HSPA12A: variants seen among roughly 807,000 people sequenced by gnomAD.
The protein encoded by HSPA12A is heat shock protein family A (Hsp70) member 12A, also known as heat shock 70 kDa protein 12A.
In HSPA12A, 28 loss-of-function variants were observed where a neutral mutation model predicts 69.2. The ratio of observed to expected loss-of-function variants is 0.40; its 90% CI spans 0.30 to 0.55. The LOEUF (loss-of-function observed/expected upper bound fraction) is 0.55. Ranked by LOEUF, HSPA12A falls within the 20% of genes least tolerant of loss-of-function variation. The probability of loss-of-function intolerance (pLI) is 0.38; values close to 1 mark genes in which losing one functional copy is unlikely to be tolerated. For synonymous variants in HSPA12A, 345 were observed against 370.5 expected, an observed-to-expected ratio of 0.93 and a Z score of 0.79; for missense variants, 686 against 900.7, an observed-to-expected ratio of 0.76 and a Z score of 3.05.
rs975817428 is a variant in HSPA12A, at chr10:116,675,835, A to G, written c.1391-417T>C. Among the ~76,000 whole-genome samples, 15 of 152,208 alleles carry G rather than the reference A, an allele frequency of 9.9e-5. No individual in the cohort carries two copies. Among genetic ancestry groups the G allele is most frequent in the Admixed American group, 8.5e-4 (13 of 15,280 alleles). On this transcript the variant is annotated intron_variant, in intron 11 of 11. Coordinates refer to ENST00000369209, the MANE Select transcript of HSPA12A (RefSeq NM_025015.3). The surrounding 1 kb of genome is among the most constrained non-coding windows in gnomAD (Gnocchi z 5.2). ...GAGTCTGATTTGGTAGGCGGGGGAC[A>G]GGATACTGAAAGAGGTCCTGGTGAG... is the stretch of plus-strand genomic sequence containing the variant.
chr10:116,744,669 A>G (rs1665679), upstream of HSPA12A, among the ~76,000 whole-genome samples: 151,310 of 152,372 alleles, frequency 0.99, 75,145 homozygotes, highest in Middle Eastern at 1. Context: ...TGCTCATCAC[A>G]CTAATTACAA....
chr10:116,787,630 T>C (rs1645496192), intron 2 of HSPA12A, among the ~76,000 whole-genome samples: 1 of 152,104 alleles, frequency 6.6e-6, no homozygotes, highest in Admixed American at 6.5e-5. Flanking sequence ...TTAACAATTA[T>C]GGCCTTTGGG....
chr10:116,844,116 G>A (rs1845843758), intron 1 of HSPA12A, among the ~76,000 whole-genome samples: 1 of 152,178 alleles, frequency 6.6e-6, no homozygotes, highest in Non-Finnish European at 1.5e-5. Flanking sequence ...AGAGGCAGTG[G>A]AGCACAAGGG....
rs782352033 is a variant in HSPA12A, at chr10:116,679,721, T to C, written c.1068A>G (p.Glu356=). The C allele has an allele frequency of 6.2e-7, 1 of 1,614,188 alleles. No individual in the cohort carries two copies. Among genetic ancestry groups the C allele is most frequent in the Non-Finnish European group, 8.5e-7 (1 of 1,180,026 alleles). ...YGSLGVDYEF[E]KLLYKIFGED... is the part of the protein sequence containing the mutation. ...CTCCAAATATTTTATACAGAAGTTT[T>C]TCGAACTCATAATCTACTCCTAAAG... Residue 356 remains glutamate (E), a synonymous_variant, in exon 10 of 12, where the codon GAA becomes GAG. Transcript: ENST00000369209.
intron 1 of HSPA12A, among the ~76,000 whole-genome samples, chr10:116,736,908 T>C (rs1851335162): frequency 6.6e-6 from 1 of 152,216 alleles, no homozygotes; most frequent in South Asian, 2.1e-4. Flanking sequence ...ACAAATGTAC[T>C]GGATAATTCC....
intron 2 of HSPA12A, chr10:116,750,125 TG>T (rs1221476397): frequency 1.8e-6 from 1 of 559,156 alleles, no homozygotes; most frequent in East Asian, 3.0e-5. Flanking sequence ...TATGATAATG[TG>T]TGTACCTTAT....
chr10:116,839,486 C>G (rs770220691), intron 1 of HSPA12A, among the ~76,000 whole-genome samples: 2 of 151,918 alleles, frequency 1.3e-5, no homozygotes, highest in Non-Finnish European at 2.9e-5. Context: ...CAGCTCCATT[C>G]CTCCAGTAAT....
In HSPA12A at chr10:116,680,786, A is replaced by G. The variant is rs917822644; in HGVS notation, c.1027+366T>C. Among the ~76,000 whole-genome samples the G allele has an allele frequency of 1.2e-4, 18 of 152,334 alleles. No homozygotes were observed. In the South Asian group the frequency reaches 2.9e-3, roughly 25 times the overall value. ...AGGCGTGAGCCACCGCACTTGGCCA[A>G]TGGTTTGGCAATCTTGATCCAAGAC... On this transcript the variant is annotated intron_variant, in intron 9 of 11. Transcript: ENST00000369209.
intron 2 of HSPA12A, among the ~76,000 whole-genome samples, chr10:116,825,304 G>A (rs534902507): frequency 6.6e-6 from 1 of 152,042 alleles, no homozygotes; most frequent in Admixed American, 6.6e-5. Flanking sequence ...GAGCTCAGGA[G>A]TTCAAGACCA....
intron 2 of HSPA12A, among the ~76,000 whole-genome samples, chr10:116,760,128 T>C (rs1440603153): frequency 2.6e-5 from 4 of 152,234 alleles, no homozygotes; most frequent in Non-Finnish European, 5.9e-5. Flanking sequence ...ATTTTTGCTC[T>C]GAAGGATGAG....
chr10:116,701,497 A>C (rs768096755), intron 3 of HSPA12A, among the ~76,000 whole-genome samples: 53 of 152,266 alleles, frequency 3.5e-4, no homozygotes, highest in Non-Finnish European at 6.0e-4. Flanking sequence ...AATAGCAGAT[A>C]TACTGCTAGC....
chr10:116,771,361 C>G (rs539905112), intron 2 of HSPA12A, among the ~76,000 whole-genome samples: 1 of 152,194 alleles, frequency 6.6e-6, no homozygotes, highest in African/African-American at 2.4e-5. Flanking sequence ...TGACGAGATA[C>G]TGGGGCCAGA....
At chr10:116,677,679 G>A (rs1849279855) in intron 10 of HSPA12A, among the ~76,000 whole-genome samples, 1 of 152,218 alleles carries the variant, frequency 6.6e-6, no homozygotes, top group Non-Finnish European at 1.5e-5. Flanking sequence ...GGGCTTCTTA[G>A]GGAAATGGCC....
intron 2 of HSPA12A, chr10:116,828,983 A>T (rs1845561582): frequency 6.6e-6 from 1 of 152,224 alleles, no homozygotes. Context: ...CCAAGCCTCC[A>T]CATGCTGTCA....
intron 2 of HSPA12A, among the ~76,000 whole-genome samples, chr10:116,749,306 T>A (rs963411767): frequency 6.6e-6 from 1 of 152,212 alleles, no homozygotes; most frequent in Non-Finnish European, 1.5e-5. Context: ...TGAACATTTA[T>A]CAAGCACCTG....
At chr10:116,692,290 C>G in intron 6 of HSPA12A, 61 bp downstream of exon 6, 1 of 1,352,046 alleles carries the variant, frequency 7.4e-7, no homozygotes, top group Non-Finnish European at 1.1e-6. Flanking sequence ...GCTACAGTCA[C>G]CACCCTGGAC....
At chr10:116,775,720 G>C (rs2100101) in intron 2 of HSPA12A, among the ~76,000 whole-genome samples, 2,259 of 152,256 alleles carry the variant, frequency 0.015, 66 homozygotes, top group African/African-American at 0.051. Context: ...GGGGGCCAGA[G>C]GATTTGGGGA....
At chr10:116,774,167 G>A (rs1448489341) in intron 2 of HSPA12A, among the ~76,000 whole-genome samples, 12 of 151,982 alleles carry the variant, frequency 7.9e-5, no homozygotes, top group South Asian at 2.1e-4. Context: ...CCGCCACTAC[G>A]CCCGGCTAAT....
intron 2 of HSPA12A, among the ~76,000 whole-genome samples, chr10:116,762,182 G>A (rs2133103156): frequency 6.6e-6 from 1 of 152,234 alleles, no homozygotes; most frequent in Middle Eastern, 3.4e-3. Flanking sequence ...CTCCTATCCT[G>A]TTGGTCACCA....
Sources: gnomAD v4.1 joint callset for allele counts (sites outside exome capture counted in the v4.1 genomes callset) on GRCh38, gnomAD v4.1.1 for gene constraint, Gnocchi (gnomAD v3.1) non-coding constraint, MANE v1.5 for transcripts, NCBI Gene and HGNC (gene_info 2026-07-23, HGNC 2026-07-21) for gene names.